Variants in PTPRN2 observed in about 807,000 individuals in gnomAD.
PTPRN2 encodes receptor-type tyrosine-protein phosphatase N2.
In PTPRN2, 74 loss-of-function variants were observed where a neutral mutation model predicts 118.8. The observed-to-expected ratio is 0.62, with a 90% CI of 0.52 to 0.76. The LOEUF is 0.76. Among genes scored for constraint, PTPRN2 ranks in the 30% least tolerant of loss-of-function variants. The probability of loss-of-function intolerance (pLI) is 0.00; values close to 1 mark genes in which losing one functional copy is unlikely to be tolerated. For synonymous variants in PTPRN2, 641 were observed against 608.0 expected, an observed-to-expected ratio of 1.05 and a Z score of -0.80; for missense variants, 1,481 against 1,394.4, an observed-to-expected ratio of 1.06 and a Z score of -0.99.
At chr7:158,065,314 C>T (rs889758041) in intron 11 of PTPRN2, among the ~76,000 whole-genome samples, 2 of 152,218 alleles carry the variant, frequency 1.3e-5, no homozygotes, top group African/African-American at 2.4e-5. Context: ...AGTTTCTTAC[C>T]TCGCACCCTT....
intron 6 of PTPRN2, among the ~76,000 whole-genome samples, chr7:158,140,580 C>T (rs577455988): frequency 1.1e-4 from 16 of 152,206 alleles, no homozygotes; most frequent in African/African-American, 3.6e-4. Flanking sequence ...TGAGAGAAGC[C>T]GGTCACCAGA....
At chr7:157,890,529 C>A (rs1796738669) in intron 12 of PTPRN2, among the ~76,000 whole-genome samples, 1 of 152,156 alleles carries the variant, frequency 6.6e-6, no homozygotes, top group African/African-American at 2.4e-5. Context: ...GTAGTCCCAG[C>A]TACTCGGGAG....
At chr7:157,650,416 C>T (rs1334743487) in intron 14 of PTPRN2, among the ~76,000 whole-genome samples, 5 of 152,248 alleles carry the variant, frequency 3.3e-5, no homozygotes, top group African/African-American at 4.8e-5. Context: ...TCCAAATGTG[C>T]GCCACAAAGC....
At chr7:157,937,166 C>T (rs1007001722) in intron 11 of PTPRN2, among the ~76,000 whole-genome samples, 1 of 152,166 alleles carries the variant, frequency 6.6e-6, no homozygotes, top group Non-Finnish European at 1.5e-5. Flanking sequence ...CATCTGGGCA[C>T]CTGGAACTTG....
At chr7:157,547,741 C>T (rs577910643) in intron 22 of PTPRN2, among the ~76,000 whole-genome samples, 165 of 151,454 alleles carry the variant, frequency 1.1e-3, no homozygotes, top group African/African-American at 3.8e-3. Flanking sequence ...GTAGATGTGC[C>T]GCTCCCTCGT....
chr7:158,345,999 C>T (rs6952114), intron 2 of PTPRN2, among the ~76,000 whole-genome samples: 133,209 of 152,140 alleles, frequency 0.88, 59,059 homozygotes, highest in Non-Finnish European at 0.94. Flanking sequence ...CCCTCCCCAA[C>T]GCTGGGGATT....
At chr7:157,894,993 G>C (rs1169619696) in intron 12 of PTPRN2, among the ~76,000 whole-genome samples, 2 of 151,968 alleles carry the variant, frequency 1.3e-5, no homozygotes, top group African/African-American at 4.8e-5. Context: ...ACCAATCCCT[G>C]CTGAGGGTAA....
At chr7:157,996,312 C>T (rs964647014) in intron 11 of PTPRN2, among the ~76,000 whole-genome samples, 1 of 152,202 alleles carries the variant, frequency 6.6e-6, no homozygotes, top group Non-Finnish European at 1.5e-5. Context: ...GAGAATTCGC[C>T]GCTCGGGCCC....
rs138891554 is a variant in PTPRN2, at chr7:157,594,509, C to G, written c.2496+729G>C. On this transcript the variant is annotated intron_variant, in intron 17 of 22. Coordinates refer to ENST00000389418, the MANE Select transcript of PTPRN2 (RefSeq NM_002847.5). ...GGATTCTGCCGCATGGGTGACGCGT[C>G]GCTTCCCACCTTCGTCCCCAGCTCG... Among the ~76,000 whole-genome samples, 1,283 of 152,328 alleles carry G rather than the reference C, an allele frequency of 8.4e-3. 19 individuals carry two copies. Among genetic ancestry groups the G allele is most frequent in the African/African-American group, 0.029 (1,210 of 41,568 alleles).
At chr7:157,722,681 G>A (rs895918760) in intron 12 of PTPRN2, among the ~76,000 whole-genome samples, 5 of 152,210 alleles carry the variant, frequency 3.3e-5, no homozygotes, top group Non-Finnish European at 5.9e-5. Flanking sequence ...GCAGCCGGGG[G>A]GGACAGGGGT....
chr7:158,468,611 G>A (rs887477324), intron 2 of PTPRN2, among the ~76,000 whole-genome samples: 11 of 152,200 alleles, frequency 7.2e-5, no homozygotes, highest in Non-Finnish European at 1.5e-4. Context: ...TGTTTTGCAC[G>A]TAAGAAATCC....
intron 1 of PTPRN2, among the ~76,000 whole-genome samples, chr7:158,585,600 T>C (rs1339658502): frequency 2.6e-5 from 4 of 152,216 alleles, no homozygotes; most frequent in African/African-American, 9.7e-5. Flanking sequence ...GCATTGGGCA[T>C]TATCATTCAG....
intron 12 of PTPRN2, among the ~76,000 whole-genome samples, chr7:157,789,023 C>G (rs1023457332): frequency 1.3e-5 from 2 of 152,234 alleles, no homozygotes; most frequent in Non-Finnish European, 2.9e-5. Flanking sequence ...GTAACAGTCA[C>G]TACAGGACAG....
intron 11 of PTPRN2, among the ~76,000 whole-genome samples, chr7:158,074,398 C>T (rs936717756): frequency 2.6e-5 from 4 of 152,184 alleles, no homozygotes; most frequent in African/African-American, 4.8e-5. Context: ...CCTCTGGCCA[C>T]GGAAGCCTCC....
At chr7:158,398,105 T>C (rs1045498679) in intron 2 of PTPRN2, among the ~76,000 whole-genome samples, 3 of 152,352 alleles carry the variant, frequency 2.0e-5, no homozygotes, top group East Asian at 3.9e-4. Flanking sequence ...AGGGACACTG[T>C]CTAGCTTACA....
At chr7:158,337,452 C>A in intron 2 of PTPRN2, among the ~76,000 whole-genome samples, 1 of 148,424 alleles carries the variant, frequency 6.7e-6, no homozygotes, top group African/African-American at 2.5e-5. Context: ...CCACAGACGT[C>A]ACTCAAACCC....
chr7:158,027,512 C>T (rs1807369215), intron 11 of PTPRN2: 1 of 152,188 alleles, frequency 6.6e-6, no homozygotes, highest in Non-Finnish European at 1.5e-5. Flanking sequence ...GACCAAAAAC[C>T]TTAGGGAGAA....
intron 11 of PTPRN2, among the ~76,000 whole-genome samples, chr7:158,026,218 C>A (rs1807257868): frequency 6.6e-6 from 1 of 152,256 alleles, no homozygotes; most frequent in African/African-American, 2.4e-5. Flanking sequence ...GGAAAAATTA[C>A]AGAATCAGTA....
chr7:158,187,192 AAG>A (rs1255182465), intron 5 of PTPRN2, among the ~76,000 whole-genome samples: 3 of 152,368 alleles, frequency 2.0e-5, no homozygotes, highest in South Asian at 4.1e-4. Context: ...AACAAAGAGA[AAG>A]AGCATGATTA....
Sources: gnomAD v4.1 joint callset for allele counts (sites outside exome capture counted in the v4.1 genomes callset) on GRCh38, gnomAD v4.1.1 for gene constraint, MANE v1.5 for transcripts, NCBI Gene and HGNC (gene_info 2026-07-23, HGNC 2026-07-21) for gene names.